KCTD8: variants seen among roughly 807,000 people sequenced by gnomAD.
KCTD8 encodes the protein potassium channel tetramerization domain containing 8.
KCTD8 carries 27 observed loss-of-function variants against 31.5 expected under a neutral mutation model. The observed-to-expected ratio is 0.86, with a 90% CI of 0.63 to 1.18. The LOEUF (loss-of-function observed/expected upper bound fraction) is 1.18. Ranked by LOEUF, KCTD8 falls within the 50% of genes most tolerant of loss-of-function variation. The pLI is 0.00. For missense variants in KCTD8, 658 were observed against 647.7 expected, an observed-to-expected ratio of 1.02 and a Z score of -0.17; for synonymous variants, 290 against 280.0, an observed-to-expected ratio of 1.04 and a Z score of -0.36.
chr4:44,401,742 G>C (rs1294015641), intron 1 of KCTD8, among the ~76,000 whole-genome samples: 1 of 152,130 alleles, frequency 6.6e-6, no homozygotes, highest in Non-Finnish European at 1.5e-5. Context: ...GACATACTAA[G>C]TCTTAAACAA....
intron 1 of KCTD8, among the ~76,000 whole-genome samples, chr4:44,360,421 A>C (rs1272732077): frequency 6.6e-6 from 1 of 152,070 alleles, no homozygotes; most frequent in Non-Finnish European, 1.5e-5. Context: ...ATTTTCATAA[A>C]ATTGCTACGG....
At chr4:44,268,326 T>A (rs947391021) in intron 1 of KCTD8, among the ~76,000 whole-genome samples, 1 of 151,984 alleles carries the variant, frequency 6.6e-6, no homozygotes, top group Non-Finnish European at 1.5e-5. Context: ...AGAAAAGGCC[T>A]TTGACAAAAT....
intron 1 of KCTD8, among the ~76,000 whole-genome samples, chr4:44,390,726 A>G (rs543744254): frequency 6.6e-6 from 1 of 152,068 alleles, no homozygotes; most frequent in East Asian, 1.9e-4. Flanking sequence ...CAATAATTCA[A>G]AAAATAACAG....
chr4:44,303,785 C>T (rs550447908), intron 1 of KCTD8, among the ~76,000 whole-genome samples: 1 of 151,928 alleles, frequency 6.6e-6, no homozygotes, highest in South Asian at 2.1e-4. Context: ...TGCACTCCAG[C>T]CTGGGGGACA....
chr4:44,406,373 C>T (rs933063332), intron 1 of KCTD8, among the ~76,000 whole-genome samples: 2 of 152,116 alleles, frequency 1.3e-5, no homozygotes, highest in African/African-American at 2.4e-5. Context: ...CCATAATTCC[C>T]ACCTGTTGTG....
chr4:44,296,775 T>G (rs1717448563), intron 1 of KCTD8, among the ~76,000 whole-genome samples: 1 of 152,048 alleles, frequency 6.6e-6, no homozygotes, highest in African/African-American at 2.4e-5. Flanking sequence ...TGATTTTTTT[T>G]GAAAGTTTTT....
chr4:44,338,892 T>A (rs1275509107), intron 1 of KCTD8, among the ~76,000 whole-genome samples: 2 of 152,066 alleles, frequency 1.3e-5, no homozygotes, highest in Non-Finnish European at 2.9e-5. Context: ...TCTTCATAAG[T>A]CCCTTATAGA....
At chr4:44,398,682 T>C (rs1252519219) in intron 1 of KCTD8, among the ~76,000 whole-genome samples, 1 of 152,148 alleles carries the variant, frequency 6.6e-6, no homozygotes, top group East Asian at 1.9e-4. Flanking sequence ...CACAGCTGAT[T>C]TCACTGGGGA....
chr4:44,315,334 C>T (rs961638153), intron 1 of KCTD8, among the ~76,000 whole-genome samples: 6 of 152,110 alleles, frequency 3.9e-5, no homozygotes, highest in African/African-American at 1.4e-4. Flanking sequence ...TTTACATTCT[C>T]TTCTGTAAAT....
At chr4:44,437,332 C>A (rs1721683922) in intron 1 of KCTD8, among the ~76,000 whole-genome samples, 1 of 152,124 alleles carries the variant, frequency 6.6e-6, no homozygotes, top group South Asian at 2.1e-4. Context: ...ACATATCTTA[C>A]AAATGTCATC....
rs539160240 is a variant in KCTD8, at chr4:44,418,596, GAAGA to G, written c.961+28963_961+28966del. ...TTAAAGCAGTGGATACGAAAATAGA[GAAGA>G]AAGAAAAAATTTTAAAAAATCTTGC... On this transcript the variant is annotated intron_variant, in intron 1 of 1. Coordinates refer to ENST00000360029, the MANE Select transcript of KCTD8 (RefSeq NM_198353.3). Among the ~76,000 whole-genome samples the G allele has an allele frequency of 3.1e-3, 468 of 152,240 alleles. 7 individuals carry two copies. Among genetic ancestry groups the G allele is most frequent in the Non-Finnish European group, 8.4e-4 (57 of 67,998 alleles).
intron 1 of KCTD8, among the ~76,000 whole-genome samples, chr4:44,378,157 G>A (rs151052258): frequency 3.4e-5 from 5 of 148,324 alleles, no homozygotes; most frequent in East Asian, 2.0e-4. Flanking sequence ...TTTATTATAA[G>A]CCCTCCCATA....
In KCTD8 at chr4:44,384,986, C is replaced by CA. The variant is rs140984459; in HGVS notation, c.961+62576dup. Among the ~76,000 whole-genome samples, 137 of 144,776 alleles carry CA rather than the reference C, an allele frequency of 9.5e-4. 2 individuals carry two copies. The highest frequency in any genetic ancestry group is 3.6e-3 in the East Asian group (18 of 4,948). The allele number at this position is 144,776 out of a possible 152,430, so 95.0% of individuals were successfully genotyped here. A position where few individuals can be genotyped will look rare whatever the true frequency, so the allele number is the denominator to read the frequency against. On this transcript the variant is annotated intron_variant, in intron 1 of 1. Coordinates refer to ENST00000360029, the MANE Select transcript of KCTD8 (RefSeq NM_198353.3). The stretch of plus-strand genomic sequence containing the variant: ...TATAATAGATGAGAAGAATATAGAC[C>CA]AAAAAAAAAGAAAATATATAGGAAT...
At chr4:44,195,007 C>T (rs1402603585) in intron 1 of KCTD8, among the ~76,000 whole-genome samples, 7 of 151,134 alleles carry the variant, frequency 4.6e-5, no homozygotes, top group Admixed American at 4.6e-4. Context: ...AGGCATGTAC[C>T]ACCACGCCAG....
chr4:44,447,600 G>C lies in KCTD8; in HGVS notation c.924C>G (p.Asp308Glu). The change falls in exon 1 of 2, where the codon GAC becomes GAG. Residue 308 changes from aspartate to glutamate, a missense_variant. Physicochemically the swap from Asp to Glu is conservative, Grantham distance 45 (BLOSUM62 2). Coordinates refer to ENST00000360029, the MANE Select transcript of KCTD8 (RefSeq NM_198353.3). ...ACTCGGTGTAGCTGCTCCAGATCTT[G>C]TCGTCGCGGTACTGGTTGACGAAGG... is the stretch of plus-strand genomic sequence containing the variant. ...TAAFVNQYRD[D>E]KIWSSYTEYI... is the part of the protein sequence containing the mutation. The C allele has an allele frequency of 6.2e-7, 1 of 1,600,284 alleles. No homozygotes were observed. The highest frequency in any genetic ancestry group is 8.5e-7 in the Non-Finnish European group (1 of 1,173,464).
rs535838123 is a variant in KCTD8 at position 44,202,730 on chromosome 4, C to A, written c.962-27480G>T. 3.9e-5 allele frequency among the ~76,000 whole-genome samples: 6 copies of A among 152,078 alleles called. No individual in the cohort carries two copies. The East Asian group carries it at 5.8e-4, about 15-fold the overall frequency. On this transcript the variant is annotated intron_variant, in intron 1 of 1. Coordinates refer to ENST00000360029, the MANE Select transcript of KCTD8 (RefSeq NM_198353.3). The stretch of plus-strand genomic sequence containing the variant: ...CTGTACTCAAATCTCACTCATTACA[C>A]CCACATAACAAACCTGCACATGCAC...
intron 1 of KCTD8, among the ~76,000 whole-genome samples, chr4:44,241,411 G>T (rs866072170): frequency 6.6e-6 from 1 of 152,188 alleles, no homozygotes; most frequent in Non-Finnish European, 1.5e-5. Flanking sequence ...CTGAACACAC[G>T]CACATTCGTT....
chr4:44,204,043 G>T (rs1223023963), intron 1 of KCTD8, among the ~76,000 whole-genome samples: 1 of 151,658 alleles, frequency 6.6e-6, no homozygotes, highest in Non-Finnish European at 1.5e-5. Context: ...AAAAATGAAG[G>T]CAGCTCATCA....
At chr4:44,196,146 C>T (rs984780520) in intron 1 of KCTD8, among the ~76,000 whole-genome samples, 4 of 152,212 alleles carry the variant, frequency 2.6e-5, no homozygotes, top group Admixed American at 1.3e-4. Context: ...TTCTAAGAAA[C>T]GCAAATGACA....
Sources: gnomAD v4.1 joint callset for allele counts (sites outside exome capture counted in the v4.1 genomes callset) on GRCh38, gnomAD v4.1.1 for gene constraint, MANE v1.5 for transcripts, NCBI Gene and HGNC (gene_info 2026-07-23, HGNC 2026-07-21) for gene names.